Variants in SAP130 observed in about 807,000 individuals in gnomAD.
SAP130 encodes the protein histone deacetylase complex subunit SAP130.
SAP130 carries 16 observed loss-of-function variants against 103.2 expected under a neutral mutation model. That is an observed-to-expected ratio of 0.16 (90% CI 0.10 to 0.24). The LOEUF is 0.24. Among genes scored for constraint, SAP130 ranks in the 10% least tolerant of loss-of-function variants. SAP130 has a pLI of 1.00. For missense variants in SAP130, 990 were observed against 1,359.7 expected (o/e 0.73, Z 4.28); for synonymous variants, 477 against 497.0 (o/e 0.96, Z 0.53).
intron 15 of SAP130, among the ~76,000 whole-genome samples, chr2:127,967,352 C>T (rs1680728697): frequency 6.6e-6 from 1 of 152,186 alleles, no homozygotes; most frequent in South Asian, 2.1e-4. Flanking sequence ...AAAGGAGATA[C>T]TGACAGAATT....
At chr2:127,988,037 T>C (rs1041915258) in intron 13 of SAP130, among the ~76,000 whole-genome samples, 2 of 152,120 alleles carry the variant, frequency 1.3e-5, no homozygotes, top group East Asian at 1.9e-4. Context: ...CATGGGTAAA[T>C]TGCATCTCTA....
chr2:128,004,305 G>C (rs1313000621), intron 7 of SAP130, among the ~76,000 whole-genome samples: 1 of 150,326 alleles, frequency 6.7e-6, no homozygotes, highest in Non-Finnish European at 1.5e-5. Flanking sequence ...ACTGCCAAAG[G>C]TAGGGACAAC....
intron 15 of SAP130, among the ~76,000 whole-genome samples, chr2:127,966,020 T>G (rs1409011855): frequency 2.0e-5 from 3 of 152,142 alleles, no homozygotes; most frequent in Non-Finnish European, 4.4e-5. Context: ...TGCTACATTA[T>G]TTGGTACACA....
chr2:127,995,101 C>T (rs539461687), intron 11 of SAP130, among the ~76,000 whole-genome samples: 26 of 152,190 alleles, frequency 1.7e-4, no homozygotes, highest in Admixed American at 4.6e-4. Context: ...ATGGGGGAAG[C>T]GATGGGGTTG....
chr2:127,986,893 G>C lies in SAP130; in HGVS notation c.1850C>G (p.Ala617Gly). Residue 617 changes from alanine (A) to glycine (G), a missense_variant, in exon 14 of 21, where the codon GCA (alanine) becomes GGA (glycine). Ala to Gly is a moderately conservative substitution (Grantham distance 60, BLOSUM62 0). Coordinates refer to ENST00000643581, the MANE Select transcript of SAP130 (RefSeq NM_001330301.2). The surrounding 1 kb of genome is among the most constrained non-coding windows in gnomAD (Gnocchi z 4.7). ...PISNPFSAAP[A>G]ATTVVQTHSQ... ...GTGGGTCTGCACCACGGTTGTTGCT[G>C]CTGGAGCAGCACTGAATGGATTGCT... 6.2e-7 allele frequency: 1 copy of C among 1,614,244 alleles called. No individual in the cohort carries two copies. Among genetic ancestry groups the C allele is most frequent in the Non-Finnish European group, 8.5e-7 (1 of 1,180,042 alleles).
rs139082216 is a variant in SAP130 at position 127,984,850 on chromosome 2, C to T, written c.1958+1935G>A. ...GCTAAAGTCGGGAAGGGGCAGTACA[C>T]CACATGGCATAGGTAGAAAATGGGA... On this transcript the variant is annotated intron_variant, in intron 14 of 20. Coordinates refer to ENST00000643581, the MANE Select transcript of SAP130 (RefSeq NM_001330301.2). Among the ~76,000 whole-genome samples the T allele has an allele frequency of 2.6e-5, 4 of 152,294 alleles. No individual in the cohort carries two copies. In the East Asian group the frequency reaches 7.7e-4, roughly 29 times the overall value.
At chr2:127,984,233 CTG>C (rs1445688879) in intron 14 of SAP130, among the ~76,000 whole-genome samples, 1 of 152,172 alleles carries the variant, frequency 6.6e-6, no homozygotes, top group African/African-American at 2.4e-5. Flanking sequence ...TTGCATAGCA[CTG>C]TGTTACTGTT....
intron 2 of SAP130, among the ~76,000 whole-genome samples, chr2:128,020,989 CA>C (rs377233540): frequency 6.7e-6 from 1 of 149,780 alleles, no homozygotes; most frequent in Non-Finnish European, 1.5e-5. Context: ...GACTCTGTCT[CA>C]AAAAAAAAGT....
At chr2:127,965,354 T>C (rs1680580301) in intron 15 of SAP130, among the ~76,000 whole-genome samples, 1 of 152,086 alleles carries the variant, frequency 6.6e-6, no homozygotes, top group Non-Finnish European at 1.5e-5. Flanking sequence ...TAGTCCCAGC[T>C]ACTTTGGAGG....
At chr2:127,998,169 T>C (rs1559082092) in intron 10 of SAP130, among the ~76,000 whole-genome samples, 1 of 151,816 alleles carries the variant, frequency 6.6e-6, no homozygotes, top group East Asian at 1.9e-4. Flanking sequence ...CAAGGAACTA[T>C]ATAGCACAGA....
In SAP130 at chr2:127,989,916, C is replaced by T. The variant is rs115985093; in HGVS notation, c.1478-50G>A. ...ATAAGAAGGTTAGCTTCATTTCACACAGTCCACATAAAGAGAGAAACACTA... is the reference window on the plus strand; with the variant it reads ...ATAAGAAGGTTAGCTTCATTTCACATAGTCCACATAAAGAGAGAAACACTA... On this transcript the variant is annotated intron_variant, in intron 12 of 20. Transcript: ENST00000643581. The surrounding 1 kb of genome is among the most constrained non-coding windows in gnomAD (Gnocchi z 4.6). 19,461 of 1,542,600 alleles carry T rather than the reference C, an allele frequency of 0.013. 208 individuals carry two copies. The highest frequency in any genetic ancestry group is 0.03 in the Middle Eastern group (171 of 5,714).
chr2:127,998,740 T>G (rs1683343124), intron 10 of SAP130, among the ~76,000 whole-genome samples: 1 of 152,190 alleles, frequency 6.6e-6, no homozygotes, highest in Non-Finnish European at 1.5e-5. Context: ...CTCTAAAAAA[T>G]TCTTCATGGT....
At position 127,982,249 on chromosome 2, in the gene SAP130, G is replaced by A. The variant is rs145099913; in HGVS notation, c.1959-4160C>T. The stretch of plus-strand genomic sequence containing the variant: ...GGATATTTCATACAGAAGAAATGAC[G>A]GCATGTTTATACTGTTTATGTGAAT... On this transcript the variant is annotated intron_variant, in intron 14 of 20. Coordinates refer to ENST00000643581, the MANE Select transcript of SAP130 (RefSeq NM_001330301.2). Among the ~76,000 whole-genome samples the A allele has an allele frequency of 3.4e-4, 51 of 152,184 alleles. 1 individual carries two copies. The South Asian group carries it at 6.4e-3, about 19-fold the overall frequency.
intron 14 of SAP130, among the ~76,000 whole-genome samples, chr2:127,978,360 G>GT (rs1488765699): frequency 6.6e-6 from 1 of 151,582 alleles, no homozygotes. Context: ...AGCAACCATT[G>GT]TGACTCTTTT....
rs372508894 is a variant in SAP130 at position 127,965,880 on chromosome 2, A to G, written c.2064-10536T>C. Among the ~76,000 whole-genome samples the G allele has an allele frequency of 3.4e-4, 51 of 151,940 alleles. 1 individual carries two copies. In the South Asian group the frequency reaches 6.4e-3, roughly 19 times the overall value. On this transcript the variant is annotated intron_variant, in intron 15 of 20. Transcript: ENST00000643581. ...CTTATTATTATTTCGATTTATTATT[A>G]TATCCTATTTATTTGTTGTCTGCTA... is the stretch of plus-strand genomic sequence containing the variant.
chr2:127,979,162 C>T (rs2438026), intron 14 of SAP130, among the ~76,000 whole-genome samples: 124,748 of 152,096 alleles, frequency 0.82, 51,790 homozygotes, highest in Middle Eastern at 0.88. Context: ...GACACAGGTA[C>T]GAGGGCAAGG....
rs537902889 is a variant in SAP130 at position 127,973,302 on chromosome 2, T to C, written c.2063+4683A>G. On this transcript the variant is annotated intron_variant, in intron 15 of 20. Coordinates refer to ENST00000643581, the MANE Select transcript of SAP130 (RefSeq NM_001330301.2). The stretch of plus-strand genomic sequence containing the variant: ...GGCTGGAGTGCAATGGCGTGATCTC[T>C]GCTCACTGCAACCTCTGCCTCCTGG... Among the ~76,000 whole-genome samples the C allele has an allele frequency of 6.6e-5, 10 of 152,300 alleles. No homozygotes were observed. The East Asian group carries it at 1.7e-3, about 26-fold the overall frequency.
chr2:127,979,845 T>G (rs1681735927), intron 14 of SAP130, among the ~76,000 whole-genome samples: 1 of 151,930 alleles, frequency 6.6e-6, no homozygotes, highest in African/African-American at 2.4e-5. Flanking sequence ...TAAAGTTGGG[T>G]GACAGGCATA....
chr2:128,016,124 T>C (rs775441892), intron 4 of SAP130, among the ~76,000 whole-genome samples: 16 of 151,760 alleles, frequency 1.1e-4, no homozygotes, highest in Non-Finnish European at 2.4e-4. Context: ...GACTGTTTTA[T>C]CTAGATTTAT....
Sources: gnomAD v4.1 joint callset for allele counts (sites outside exome capture counted in the v4.1 genomes callset) on GRCh38, gnomAD v4.1.1 for gene constraint, Gnocchi (gnomAD v3.1) non-coding constraint, MANE v1.5 for transcripts, NCBI Gene and HGNC (gene_info 2026-07-23, HGNC 2026-07-21) for gene names.